RBM28: variants seen among roughly 807,000 people sequenced by gnomAD.
RBM28 encodes RNA binding motif protein 28, also known as RNA-binding protein 28.
A neutral mutation model predicts 98.3 loss-of-function variants in RBM28; 78 were observed. That is an observed-to-expected ratio of 0.79 (90% CI 0.66 to 0.96). The LOEUF is 0.96. RBM28 is among the 40% of genes least tolerant of loss of function. The pLI is 0.00. For synonymous variants in RBM28, 306 were observed against 330.9 expected (o/e 0.92, Z 0.82); for missense variants, 838 against 913.0 (o/e 0.92, Z 1.06).
chr7:128,331,878 T>A (rs146152444), intron 9 of RBM28, among the ~76,000 whole-genome samples: 4 of 152,228 alleles, frequency 2.6e-5, no homozygotes, highest in African/African-American at 9.6e-5. Context: ...CATGAATGAT[T>A]CTATTTCATG....
At chr7:128,317,581 C>CTT in intron 16 of RBM28, 78 bp downstream of exon 16, 1 of 1,163,828 alleles carries the variant, frequency 8.6e-7, no homozygotes, top group South Asian at 1.2e-5. Flanking sequence ...GAGAACTACT[C>CTT]TAAGAGAGCA....
chr7:128,324,561 C>A lies in RBM28; in HGVS notation c.1337G>T (p.Gly446Val), dbSNP rs1796303712. 2 of 1,614,076 alleles carry A rather than the reference C, an allele frequency of 1.2e-6. No individual in the cohort carries two copies. The highest frequency in any genetic ancestry group is 1.7e-6 in the Non-Finnish European group (2 of 1,180,050). The change falls in exon 12 of 19, where the codon GGC becomes GTC. Residue 446 changes from glycine (G) to valine (V), a missense_variant and splice_region_variant. By Grantham distance (109) the Gly-to-Val change is moderately radical (BLOSUM62 -3). Coordinates refer to ENST00000223073, the MANE Select transcript of RBM28 (RefSeq NM_018077.3). ...GTGGGTTACATCTCCCTACTCACAGCCTTCTCGGGCCAGATAGAGATTCCG... is the reference window on the plus strand; with the variant it reads ...GTGGGTTACATCTCCCTACTCACAGACTTCTCGGGCCAGATAGAGATTCCG... ...GTRNLYLARE[G>V]LIRAGTKAAE...
intron 18 of RBM28, 123 bp from the exon 19 acceptor site, chr7:128,311,054 G>C: frequency 1.0e-6 from 1 of 966,192 alleles, no homozygotes. Flanking sequence ...GAAAGGGGTA[G>C]GTTTCTAGAG....
intron 16 of RBM28, 72 bp downstream of exon 16, chr7:128,317,587 G>C (rs911371952): frequency 2.5e-6 from 3 of 1,199,486 alleles, no homozygotes; most frequent in Non-Finnish European, 3.7e-6. Flanking sequence ...TACTCTAAGA[G>C]AGCAGAAGCA....
In RBM28 at chr7:128,310,661, A is replaced by G; in HGVS notation, c.*136T>C. 8.6e-7 allele frequency: 1 copy of G among 1,161,292 alleles called. No homozygotes were observed. The highest frequency in any genetic ancestry group is 1.3e-6 in the Non-Finnish European group (1 of 781,346). 71.9% of individuals were successfully genotyped at this position (1,161,292 alleles called of 1,614,324 possible). ...ACCAAAGTTCAGATGTACACAGTCCAGGGCACCTCCGAGCACAGTGGCAGT... is the reference window on the plus strand; with the variant it reads ...ACCAAAGTTCAGATGTACACAGTCCGGGGCACCTCCGAGCACAGTGGCAGT... On this transcript the variant is annotated 3_prime_UTR_variant, in exon 19 of 19. Transcript: ENST00000223073.
intron 1 of RBM28, among the ~76,000 whole-genome samples, chr7:128,340,905 G>A (rs1796709630): frequency 6.6e-6 from 1 of 152,196 alleles, no homozygotes; most frequent in African/African-American, 2.4e-5. Flanking sequence ...ATGTCACACA[G>A]GGTGTTAGTA....
chr7:128,301,281 C>T lies in RBM28; in HGVS notation c.*9516G>A, dbSNP rs6954653. On this transcript the variant is annotated 3_prime_UTR_variant, in exon 19 of 19. Transcript: ENST00000223073. ...TTTTTGCCTGTATTTTATAAATGAG[C>T]AAAGAGGACTGGAGGGTCTGAGTGA... 36,154 of 152,194 alleles carry T rather than the reference C, an allele frequency of 0.24. 4,582 individuals carry two copies. The highest frequency in any genetic ancestry group is 0.37 in the Middle Eastern group (109 of 294). 9.4% of individuals were successfully genotyped at this position (152,194 alleles called of 1,614,324 possible). A position where few individuals can be genotyped will look rare whatever the true frequency, so the allele number is the denominator to read the frequency against.
chr7:128,322,049 A>AAAG (rs1392844239), intron 13 of RBM28, among the ~76,000 whole-genome samples: 1 of 151,354 alleles, frequency 6.6e-6, no homozygotes, highest in Non-Finnish European at 1.5e-5. Flanking sequence ...ATTCGGTCAA[A>AAAG]AAAAAAAAAA....
At chr7:128,341,114 T>G in intron 1 of RBM28, 5 of 1,271,296 alleles carry the variant, frequency 3.9e-6, no homozygotes, top group Non-Finnish European at 5.1e-6. Context: ...AAGTCTGCCT[T>G]TACCTGAAAA....
intron 10 of RBM28, among the ~76,000 whole-genome samples, chr7:128,329,978 A>G (rs1251957211): frequency 1.3e-5 from 2 of 151,870 alleles, no homozygotes; most frequent in Admixed American, 6.6e-5. Context: ...ATGGGTTGGA[A>G]AGATGTTTAC....
At chr7:128,314,251 C>T (rs549681604) in intron 17 of RBM28, among the ~76,000 whole-genome samples, 12 of 152,168 alleles carry the variant, frequency 7.9e-5, no homozygotes, top group South Asian at 4.1e-4. Flanking sequence ...CGTGAGCCAC[C>T]GCGCCCAGCC....
At chr7:128,312,786 ATAT>A (rs1796014698) in intron 18 of RBM28, among the ~76,000 whole-genome samples, 1 of 152,202 alleles carries the variant, frequency 6.6e-6, no homozygotes, top group South Asian at 2.1e-4. Context: ...GTTTCATTAG[ATAT>A]TATAATGGCA....
chr7:128,337,079 T>A, intron 6 of RBM28, 52 bp downstream of exon 6: 3 of 1,570,826 alleles, frequency 1.9e-6, no homozygotes, highest in Non-Finnish European at 2.6e-6. Context: ...GTTTCAATAC[T>A]CTCACCCAGG....
rs1429272151 is a variant in RBM28 at position 128,332,908 on chromosome 7, A to C, written c.1019+382T>G. Among the ~76,000 whole-genome samples, 3 of 152,206 alleles carry C rather than the reference A, an allele frequency of 2.0e-5. No individual in the cohort carries two copies. In the East Asian group the frequency reaches 5.8e-4, roughly 29 times the overall value. ...GATGAGATGCCTTACTTTATTCTGG[A>C]CACTGCATCAGAAGATAAGTTAGGC... On this transcript the variant is annotated intron_variant, in intron 9 of 18. Coordinates refer to ENST00000223073, the MANE Select transcript of RBM28 (RefSeq NM_018077.3).
intron 8 of RBM28, 94 bp from the exon 9 acceptor site, chr7:128,333,456 G>A (rs1444205255): frequency 4.6e-5 from 50 of 1,075,588 alleles, no homozygotes; most frequent in East Asian, 2.3e-4. Context: ...TAAGCCTGGC[G>A]CAGTGGCTCA....
rs1165794248 is a variant in RBM28 at position 128,319,006 on chromosome 7, G to A, written c.1564-900C>T. Among the ~76,000 whole-genome samples the A allele has an allele frequency of 6.6e-5, 10 of 152,332 alleles. No individual in the cohort carries two copies. In the South Asian group the frequency reaches 2.1e-3, roughly 32 times the overall value. ...TTGCTTGCAGCTCAGATCCTCTCTA[G>A]TGTGGTTTTCCCTTAAATCCTTAAG... On this transcript the variant is annotated intron_variant, in intron 14 of 18. Coordinates refer to ENST00000223073, the MANE Select transcript of RBM28 (RefSeq NM_018077.3).
chr7:128,320,692 A>G (rs1040461703), intron 14 of RBM28, among the ~76,000 whole-genome samples: 1 of 152,268 alleles, frequency 6.6e-6, no homozygotes, highest in African/African-American at 2.4e-5. Flanking sequence ...AGCACAAAGT[A>G]TAATGCTAAG....
In RBM28 at chr7:128,303,653, A is replaced by G. The variant is rs370525276; in HGVS notation, c.*7144T>C. 1.1e-3 allele frequency: 170 copies of G among 152,400 alleles called. No homozygotes were observed. The highest frequency in any genetic ancestry group is 4.0e-3 in the African/African-American group (165 of 41,590). The allele number at this position is 152,400 out of a possible 1,614,324, so 9.4% of individuals were successfully genotyped here. On this transcript the variant is annotated 3_prime_UTR_variant, in exon 19 of 19. Coordinates refer to ENST00000223073, the MANE Select transcript of RBM28 (RefSeq NM_018077.3). ...CTCCAAATTCCTTCCAACTAAAAGT[A>G]TCTTTCCATCCCTGTTGGTATAGTG...
In RBM28 at chr7:128,302,255, G is replaced by A. The variant is rs1255562308; in HGVS notation, c.*8542C>T. 6.6e-6 allele frequency: 1 copy of A among 152,248 alleles called. No homozygotes were observed. The highest frequency in any genetic ancestry group is 1.5e-5 in the Non-Finnish European group (1 of 68,082). The allele number at this position is 152,248 out of a possible 1,614,324, so 9.4% of individuals were successfully genotyped here. A position where few individuals can be genotyped will look rare whatever the true frequency, so the allele number is the denominator to read the frequency against. On this transcript the variant is annotated 3_prime_UTR_variant, in exon 19 of 19. Transcript: ENST00000223073. ...TCCCTGGGACTCACTCCAGTGGCTG[G>A]TCGCCAGTTGCACCCACACGCGGCT...
Sources: allele counts gnomAD v4.1 joint callset (sites outside exome capture counted in the v4.1 genomes callset), GRCh38; gene constraint gnomAD v4.1.1; transcripts MANE v1.5; gene names NCBI Gene and HGNC (gene_info 2026-07-23, HGNC 2026-07-21).